Variants in CLRN1 observed in about 807,000 individuals in gnomAD.
CLRN1 encodes clarin-1.
A neutral mutation model predicts 18.7 loss-of-function variants in CLRN1; 15 were observed. The observed-to-expected ratio is 0.80, with a 90% CI of 0.54 to 1.23. The LOEUF (loss-of-function observed/expected upper bound fraction) is 1.23, where lower values mean the gene tolerates loss of function less well. CLRN1 is among the 50% of genes most tolerant of loss of function. CLRN1 has a pLI of 0.00. For synonymous variants in CLRN1, 104 were observed against 102.9 expected (o/e 1.01, Z -0.07); for missense variants, 311 against 277.5 (o/e 1.12, Z -0.86).
chr3:150,946,668 T>C (rs1714188223), intron 1 of CLRN1, among the ~76,000 whole-genome samples: 1 of 151,944 alleles, frequency 6.6e-6, no homozygotes, highest in South Asian at 2.1e-4. Flanking sequence ...ATGGCTATTG[T>C]TTCTGAATCT....
chr3:150,946,388 C>T (rs1714170387), intron 1 of CLRN1, among the ~76,000 whole-genome samples: 1 of 152,220 alleles, frequency 6.6e-6, no homozygotes, highest in South Asian at 2.1e-4. Context: ...CTTGTTACAG[C>T]CACCTTAGGG....
chr3:150,936,559 C>T (rs921698083), intron 2 of CLRN1, among the ~76,000 whole-genome samples: 4 of 152,136 alleles, frequency 2.6e-5, no homozygotes, highest in African/African-American at 9.7e-5. Flanking sequence ...TTTGAATGTA[C>T]TTTCAGAATG....
intron 1 of CLRN1, among the ~76,000 whole-genome samples, chr3:150,957,055 G>C (rs945217023): frequency 1.3e-5 from 2 of 152,028 alleles, no homozygotes; most frequent in South Asian, 4.1e-4. Context: ...TTTATTCTTA[G>C]TGAAAGAAAT....
chr3:150,935,365 A>G (rs1249772620), intron 2 of CLRN1, among the ~76,000 whole-genome samples: 4 of 144,982 alleles, frequency 2.8e-5, no homozygotes, highest in Admixed American at 7.2e-5. Flanking sequence ...TCATCGTTCA[A>G]TTCCCACCTA....
chr3:150,955,497 T>C (rs1055394481), intron 1 of CLRN1, among the ~76,000 whole-genome samples: 2 of 151,706 alleles, frequency 1.3e-5, no homozygotes, highest in African/African-American at 4.8e-5. Flanking sequence ...CAAGAGGGGG[T>C]GATAGGACCC....
At chr3:150,966,456 A>C (rs955750420) in intron 1 of CLRN1, among the ~76,000 whole-genome samples, 3 of 152,250 alleles carry the variant, frequency 2.0e-5, no homozygotes, top group African/African-American at 7.2e-5. Context: ...GGAAAAACAG[A>C]GAAAGCAAAA....
intron 1 of CLRN1, among the ~76,000 whole-genome samples, chr3:150,969,250 C>CTAATATGGTCTAA (rs1715409258): frequency 7.2e-6 from 1 of 138,932 alleles, no homozygotes; most frequent in Non-Finnish European, 1.5e-5. Flanking sequence ...TCTAATATGG[C>CTAATATGGTCTAA]TACTAGGACA....
Position 150,941,138 on chromosome 3 carries a change from GTCTATCTATCTA to G in CLRN1, c.433+432_433+443del, listed in dbSNP as rs59227042. ...TGGAGTCTGTATTGTCTGTCTGTCTGTCTATCTATCTATCTATCTATCTATCTATCTATCTCT... is the reference window on the plus strand; with the variant it reads ...TGGAGTCTGTATTGTCTGTCTGTCTGTCTATCTATCTATCTATCTATCTCT... On this transcript the variant is annotated intron_variant, in intron 2 of 2. Transcript: ENST00000327047. Among the ~76,000 whole-genome samples, 388 of 141,536 alleles carry G rather than the reference GTCTATCTATCTA, an allele frequency of 2.7e-3. 4 individuals are homozygous for G. Among genetic ancestry groups the G allele is most frequent in the African/African-American group, 8.5e-3 (328 of 38,554 alleles). 92.9% of individuals were successfully genotyped at this position (141,536 alleles called of 152,430 possible). A position where few individuals can be genotyped will look rare whatever the true frequency, so the allele number is the denominator to read the frequency against.
At chr3:150,951,428 C>T (rs566378459) in intron 1 of CLRN1, among the ~76,000 whole-genome samples, 18 of 152,006 alleles carry the variant, frequency 1.2e-4, no homozygotes, top group Non-Finnish European at 2.2e-4. Flanking sequence ...ACCTCTGACT[C>T]CCAGGTTCAA....
chr3:150,931,608 T>A (rs1318973398), intron 2 of CLRN1, among the ~76,000 whole-genome samples: 1 of 152,196 alleles, frequency 6.6e-6, no homozygotes, highest in African/African-American at 2.4e-5. Flanking sequence ...AGAGGCATGG[T>A]CAGAGCTTGG....
At position 150,927,512 on chromosome 3, in the gene CLRN1, G is replaced by C; in HGVS notation, c.*424C>G. On this transcript the variant is annotated 3_prime_UTR_variant, in exon 3 of 3. Transcript: ENST00000327047. ...TAATACACTACTGTTTTAGGAAAGC[G>C]ATTGCAGCTCAGTTTTCTGAAATCT... The C allele has an allele frequency of 2.2e-6, 1 of 454,656 alleles. No individual in the cohort carries two copies. The highest frequency in any genetic ancestry group is 4.4e-6 in the Non-Finnish European group (1 of 227,474). 28.2% of individuals were successfully genotyped at this position (454,656 alleles called of 1,614,324 possible). A position where few individuals can be genotyped will look rare whatever the true frequency, so the allele number is the denominator to read the frequency against.
At chr3:150,947,420 G>A (rs1469686495) in intron 1 of CLRN1, among the ~76,000 whole-genome samples, 1 of 152,134 alleles carries the variant, frequency 6.6e-6, no homozygotes, top group Non-Finnish European at 1.5e-5. Context: ...AGTTCTTAGA[G>A]ACCTATAAAG....
At chr3:150,942,438 C>T (rs560539266) in intron 1 of CLRN1, 4 of 216,612 alleles carry the variant, frequency 1.8e-5, no homozygotes, top group Non-Finnish European at 3.8e-5. Context: ...TCTGGTGAGG[C>T]ATCAGCATGC....
chr3:150,931,337 G>A (rs1407037812), intron 2 of CLRN1, among the ~76,000 whole-genome samples: 3 of 152,158 alleles, frequency 2.0e-5, no homozygotes, highest in African/African-American at 2.4e-5. Flanking sequence ...TCCAGCAAGA[G>A]GGGCTCCTGC....
chr3:150,937,614 T>C (rs1040012124), intron 2 of CLRN1, among the ~76,000 whole-genome samples: 1 of 152,116 alleles, frequency 6.6e-6, no homozygotes, highest in African/African-American at 2.4e-5. Context: ...ACTAAAAACC[T>C]TGGGAAAAAG....
chr3:150,954,003 A>G (rs1398749716), intron 1 of CLRN1, among the ~76,000 whole-genome samples: 3 of 152,240 alleles, frequency 2.0e-5, no homozygotes, highest in African/African-American at 7.2e-5. Context: ...TTAAAGTAAA[A>G]TTAGCAGAGC....
intron 1 of CLRN1, chr3:150,945,622 A>G: frequency 7.8e-7 from 1 of 1,286,962 alleles, no homozygotes; most frequent in Non-Finnish European, 1.0e-6. Context: ...GTCCTCACTC[A>G]GGAGTCATGG....
intron 1 of CLRN1, among the ~76,000 whole-genome samples, chr3:150,970,179 G>C (rs1022368905): frequency 6.6e-6 from 1 of 152,146 alleles, no homozygotes; most frequent in Admixed American, 6.6e-5. Flanking sequence ...AGAAAGTAAG[G>C]TTAGATCTTT....
chr3:150,936,872 T>G (rs899429945), intron 2 of CLRN1, among the ~76,000 whole-genome samples: 2 of 151,940 alleles, frequency 1.3e-5, no homozygotes, highest in African/African-American at 4.8e-5. Context: ...TTCCCTAGAG[T>G]CTTCAGTGTG....
Sources: allele counts gnomAD v4.1 joint callset (sites outside exome capture counted in the v4.1 genomes callset), GRCh38; gene constraint gnomAD v4.1.1; transcripts MANE v1.5; gene names NCBI Gene and HGNC (gene_info 2026-07-23, HGNC 2026-07-21).